The following MARCHF1 variants were observed in gnomAD, a reference collection of about 807,000 sequenced individuals.
The protein encoded by MARCHF1 is membrane associated ring-CH-type finger 1.
In MARCHF1, 40 loss-of-function variants were observed where a neutral mutation model predicts 54.2. The observed-to-expected ratio is 0.74, with a 90% CI of 0.57 to 0.96. The LOEUF (loss-of-function observed/expected upper bound fraction) is 0.96, where lower values mean the gene tolerates loss of function less well. Ranked by LOEUF, MARCHF1 falls within the 40% of genes least tolerant of loss-of-function variation. The pLI, the probability that MARCHF1 is intolerant of heterozygous loss-of-function variation, is 0.00. For missense variants in MARCHF1, 586 were observed against 656.5 expected, an observed-to-expected ratio of 0.89 and a Z score of 1.17; for synonymous variants, 236 against 236.3, an observed-to-expected ratio of 1.00 and a Z score of 0.01.
At chr4:164,077,350 C>T (rs958353307) in intron 2 of MARCHF1, among the ~76,000 whole-genome samples, 7 of 152,132 alleles carry the variant, frequency 4.6e-5, no homozygotes, top group Non-Finnish European at 1.0e-4. Flanking sequence ...AAACTGGACC[C>T]CTTCCTTATA....
intron 2 of MARCHF1, among the ~76,000 whole-genome samples, chr4:164,073,076 A>T (rs1310167553): frequency 6.6e-6 from 1 of 152,206 alleles, no homozygotes; most frequent in Non-Finnish European, 1.5e-5. Context: ...AAGAGGGGAA[A>T]AATAATGTAA....
intron 9 of MARCHF1, among the ~76,000 whole-genome samples, chr4:163,535,840 C>G (rs142314312): frequency 5.1e-4 from 78 of 151,646 alleles, no homozygotes; most frequent in African/African-American, 1.8e-3. Context: ...CAGTGTAGAC[C>G]ATAGGTTCAC....
intron 1 of MARCHF1, among the ~76,000 whole-genome samples, chr4:164,167,146 A>G (rs1730403482): frequency 6.6e-6 from 1 of 151,688 alleles, no homozygotes. Flanking sequence ...ATATGTGACA[A>G]TGCCAGGCAC....
intron 1 of MARCHF1, among the ~76,000 whole-genome samples, chr4:164,350,109 T>C (rs1177455338): frequency 6.6e-6 from 1 of 152,214 alleles, no homozygotes; most frequent in Non-Finnish European, 1.5e-5. Flanking sequence ...TTTAAACAAA[T>C]ATATACATAT....
intron 2 of MARCHF1, among the ~76,000 whole-genome samples, chr4:164,032,161 G>A (rs1199763791): frequency 6.6e-6 from 1 of 152,146 alleles, no homozygotes; most frequent in Non-Finnish European, 1.5e-5. Flanking sequence ...TTGTATTTCT[G>A]TGGGGTCAGT....
intron 4 of MARCHF1, among the ~76,000 whole-genome samples, chr4:163,734,164 G>A (rs1036048671): frequency 3.3e-5 from 5 of 152,122 alleles, no homozygotes; most frequent in Admixed American, 1.3e-4. Context: ...GAAACAAAAA[G>A]ACTTGACCAT....
At chr4:163,932,337 T>C (rs1045628345) in intron 3 of MARCHF1, among the ~76,000 whole-genome samples, 2 of 152,216 alleles carry the variant, frequency 1.3e-5, no homozygotes, top group African/African-American at 4.8e-5. Context: ...GCTAAACTAT[T>C]TGATAGCATT....
At chr4:163,993,577 G>A (rs1365217456) in intron 2 of MARCHF1, among the ~76,000 whole-genome samples, 1 of 152,062 alleles carries the variant, frequency 6.6e-6, no homozygotes, top group Non-Finnish European at 1.5e-5. Flanking sequence ...GTCTGTTGGA[G>A]AATCAATAGC....
intron 1 of MARCHF1, among the ~76,000 whole-genome samples, chr4:164,243,138 A>T (rs1480039485): frequency 7.9e-6 from 1 of 126,228 alleles, no homozygotes; most frequent in East Asian, 2.2e-4. Flanking sequence ...CGCCACAAAG[A>T]TACTCCTCGA....
At chr4:163,798,684 G>C (rs538599652) in intron 4 of MARCHF1, among the ~76,000 whole-genome samples, 7 of 152,040 alleles carry the variant, frequency 4.6e-5, no homozygotes, top group East Asian at 3.9e-4. Context: ...GTTGAAAATA[G>C]AAGTAAAAGT....
chr4:164,191,949 A>G (rs1731135088), intron 1 of MARCHF1, among the ~76,000 whole-genome samples: 1 of 152,264 alleles, frequency 6.6e-6, no homozygotes, highest in South Asian at 2.1e-4. Context: ...ACATTAGTTT[A>G]TCTGGGGAAA....
rs140614313 is a variant in MARCHF1 at position 163,805,391 on chromosome 4, G to C, written c.111+48630C>G. Among the ~76,000 whole-genome samples, 468 of 150,516 alleles carry C rather than the reference G, an allele frequency of 3.1e-3. 3 individuals carry two copies. The highest frequency in any genetic ancestry group is 0.011 in the African/African-American group (445 of 41,170). On this transcript the variant is annotated intron_variant, in intron 4 of 9. Transcript: ENST00000514618. ...TCTCTAAAAAAAAAACATTCAACAA[G>C]TTTATAGTTGATACAAGATTAAAAA...
intron 4 of MARCHF1, among the ~76,000 whole-genome samples, chr4:163,709,909 T>G (rs1180653948): frequency 6.6e-6 from 1 of 152,196 alleles, no homozygotes; most frequent in African/African-American, 2.4e-5. Flanking sequence ...TAAAGCACTG[T>G]ATAAATATAA....
chr4:163,671,722 A>C (rs1033351772), intron 5 of MARCHF1, among the ~76,000 whole-genome samples: 1 of 152,164 alleles, frequency 6.6e-6, no homozygotes, highest in Non-Finnish European at 1.5e-5. Context: ...TTAAATTTGC[A>C]AAACTCTGAA....
chr4:163,865,929 T>C (rs959716090), intron 3 of MARCHF1, among the ~76,000 whole-genome samples: 3 of 151,706 alleles, frequency 2.0e-5, no homozygotes, highest in African/African-American at 7.2e-5. Flanking sequence ...TCTGCCCTTA[T>C]TAAGGTAATA....
intron 1 of MARCHF1, among the ~76,000 whole-genome samples, chr4:164,176,039 A>G (rs563610721): frequency 3.3e-5 from 5 of 152,342 alleles, no homozygotes; most frequent in African/African-American, 1.2e-4. Context: ...TATGGGGATA[A>G]AAATGATTTT....
chr4:164,272,236 T>C (rs1400390418), intron 1 of MARCHF1, among the ~76,000 whole-genome samples: 1 of 152,014 alleles, frequency 6.6e-6, no homozygotes, highest in African/African-American at 2.4e-5. Flanking sequence ...GTTGTGAGTA[T>C]GTATATGCAG....
At chr4:164,365,836 T>C (rs528626214) in intron 1 of MARCHF1, among the ~76,000 whole-genome samples, 3 of 152,150 alleles carry the variant, frequency 2.0e-5, no homozygotes, top group African/African-American at 7.2e-5. Context: ...GTATATATGC[T>C]AACATTATTT....
intron 1 of MARCHF1, among the ~76,000 whole-genome samples, chr4:164,120,725 C>T (rs1471630700): frequency 1.3e-5 from 2 of 151,838 alleles, no homozygotes; most frequent in South Asian, 2.1e-4. Flanking sequence ...AATATGCTCC[C>T]GAATGACCAG....
Sources: gnomAD v4.1 joint callset for allele counts (sites outside exome capture counted in the v4.1 genomes callset) on GRCh38, gnomAD v4.1.1 for gene constraint, MANE v1.5 for transcripts, NCBI Gene and HGNC (gene_info 2026-07-23, HGNC 2026-07-21) for gene names.